Variants in ANK2 observed in about 807,000 individuals in gnomAD.
ANK2 encodes ankyrin 2, also known as ankyrin-2.
In ANK2, 83 loss-of-function variants were observed where a neutral mutation model predicts 360.5. The ratio of observed to expected loss-of-function variants is 0.23; its 90% CI spans 0.19 to 0.28. ANK2 has a LOEUF of 0.28. Ranked by LOEUF, ANK2 falls within the 10% of genes least tolerant of loss-of-function variation. The pLI is 1.00. For missense variants in ANK2, 4,201 were observed against 4,795.7 expected (o/e 0.88, Z 3.66); for synonymous variants, 1,740 against 1,759.5 (o/e 0.99, Z 0.28).
chr4:113,342,296 A>G (rs1452587850), intron 33 of ANK2, among the ~76,000 whole-genome samples: 1 of 152,194 alleles, frequency 6.6e-6, no homozygotes, highest in East Asian at 1.9e-4. Flanking sequence ...TAAATGTTGA[A>G]GCAGGGTGTC....
chr4:112,779,256 C>T, the ANK2 span, among the ~76,000 whole-genome samples: 14 of 152,168 alleles, frequency 9.2e-5, no homozygotes, highest in Admixed American at 2.0e-4. Flanking sequence ...CGGTGGCTCA[C>T]GCCTGTAATC....
chr4:113,117,969 G>A (rs1184416493), intron 1 of ANK2, among the ~76,000 whole-genome samples: 1 of 152,078 alleles, frequency 6.6e-6, no homozygotes, highest in East Asian at 1.9e-4. Context: ...GCAGTGAGCT[G>A]TGTCTCTGCA....
intron 2 of ANK2, among the ~76,000 whole-genome samples, chr4:113,014,848 C>CTTTTTTTT (rs530387481): frequency 2.8e-5 from 2 of 70,288 alleles, no homozygotes; most frequent in African/African-American, 1.2e-4. Context: ...GATCATAGAG[C>CTTTTTTTT]TTTTTTTTTT....
At chr4:113,182,621 A>T (rs1012704773) in intron 2 of ANK2, among the ~76,000 whole-genome samples, 1 of 152,210 alleles carries the variant, frequency 6.6e-6, no homozygotes, top group Non-Finnish European at 1.5e-5. Flanking sequence ...AAGTGAAAAC[A>T]TTATTTTCAG....
the ANK2 span, among the ~76,000 whole-genome samples, chr4:112,729,873 A>T: frequency 2.6e-5 from 4 of 152,182 alleles, no homozygotes; most frequent in Non-Finnish European, 5.9e-5. Flanking sequence ...CTTAGAGGGT[A>T]CTATGTTAAA....
At chr4:112,766,649 TC>T in the ANK2 span, among the ~76,000 whole-genome samples, 1 of 152,168 alleles carries the variant, frequency 6.6e-6, no homozygotes, top group Admixed American at 6.6e-5. Context: ...AAGGCTTATA[TC>T]CCTCTACCCT....
chr4:112,725,303 C>T, the ANK2 span, among the ~76,000 whole-genome samples: 12 of 133,988 alleles, frequency 9.0e-5, no homozygotes, highest in South Asian at 2.3e-4. Context: ...AAAAAAAAAA[C>T]AGGAAACAAA....
At chr4:113,026,741 C>T (rs1226448130) in intron 2 of ANK2, among the ~76,000 whole-genome samples, 14 of 152,012 alleles carry the variant, frequency 9.2e-5, no homozygotes, top group Admixed American at 1.3e-4. Context: ...GAGTGCAGGA[C>T]GATGAGTAAT....
chr4:113,367,544 A>C, intron 41 of ANK2, 22 bp from the exon 42 acceptor site: 1 of 1,612,548 alleles, frequency 6.2e-7, no homozygotes, highest in Non-Finnish European at 8.5e-7. Context: ...TCAACTAAAT[A>C]CTTAAATCAT....
chr4:113,182,159 C>G (rs1562687305), intron 2 of ANK2, among the ~76,000 whole-genome samples: 1 of 151,834 alleles, frequency 6.6e-6, no homozygotes, highest in African/African-American at 2.4e-5. Context: ...AGGATGAAGG[C>G]AAAAGAGGAA....
At chr4:112,915,930 C>T (rs563091759) in intron 2 of ANK2, among the ~76,000 whole-genome samples, 1 of 151,766 alleles carries the variant, frequency 6.6e-6, no homozygotes, top group East Asian at 1.9e-4. Flanking sequence ...TGTCTTTTAT[C>T]ACAGAATTTT....
At position 112,927,491 on chromosome 4, in the gene ANK2, G is replaced by A. The variant is rs189753268; in HGVS notation, c.21+22977G>A. Reference sequence around the variant, plus strand: ...TACATGTCACTGGATCAGGAGACAGGATATTATATTCCCTTTGCTCATTGT... The same window carrying A: ...TACATGTCACTGGATCAGGAGACAGAATATTATATTCCCTTTGCTCATTGT... On this transcript the variant is annotated intron_variant, in intron 2 of 30. Transcript: ENST00000503271. 2.5e-3 allele frequency among the ~76,000 whole-genome samples: 373 copies of A among 152,232 alleles called. 1 individual carries two copies. Among genetic ancestry groups the A allele is most frequent in the African/African-American group, 8.7e-3 (360 of 41,532 alleles).
At position 113,263,353 on chromosome 4, in the gene ANK2, G is replaced by A. The variant is rs140273575; in HGVS notation, c.1387-1544G>A. Among the ~76,000 whole-genome samples the A allele has an allele frequency of 1.2e-3, 186 of 152,144 alleles. 3 individuals carry two copies. In the East Asian group the frequency reaches 0.033, roughly 27 times the overall value. The stretch of plus-strand genomic sequence containing the variant: ...AATATTAGCATTCCAATGATACATC[G>A]TTTTATAAAACAACATACTCCAGAT... On this transcript the variant is annotated intron_variant, in intron 13 of 45. Transcript: ENST00000357077.
intron 2 of ANK2, among the ~76,000 whole-genome samples, chr4:112,906,451 G>C (rs57948165): frequency 0.036 from 5,503 of 152,252 alleles, 151 homozygotes; most frequent in African/African-American, 0.072. Flanking sequence ...GGGAAGTTGG[G>C]ATGAGAGAGT....
At chr4:112,857,874 T>C (rs1453935246) in intron 1 of ANK2, among the ~76,000 whole-genome samples, 1 of 152,130 alleles carries the variant, frequency 6.6e-6, no homozygotes, top group Non-Finnish European at 1.5e-5. Context: ...GGACCTCAGA[T>C]TTTGTATTTC....
intron 1 of ANK2, among the ~76,000 whole-genome samples, chr4:112,871,502 TAA>T (rs1277142035): frequency 6.6e-6 from 1 of 152,178 alleles, no homozygotes; most frequent in African/African-American, 2.4e-5. Flanking sequence ...TTTTATTTTT[TAA>T]AGTTGGATTC....
At chr4:113,005,170 A>G (rs1041058419) in intron 2 of ANK2, among the ~76,000 whole-genome samples, 2 of 152,190 alleles carry the variant, frequency 1.3e-5, no homozygotes, top group Non-Finnish European at 2.9e-5. Flanking sequence ...CCTAATTTAT[A>G]AAAAGCTTGC....
chr4:113,061,585 C>G (rs866534826), intron 1 of ANK2, among the ~76,000 whole-genome samples: 2 of 152,020 alleles, frequency 1.3e-5, no homozygotes, highest in Admixed American at 6.6e-5. Flanking sequence ...CACGTACACA[C>G]GCACTTACAT....
chr4:112,808,495 C>T, the ANK2 span, among the ~76,000 whole-genome samples: 17 of 152,194 alleles, frequency 1.1e-4, no homozygotes, highest in Non-Finnish European at 2.1e-4. Flanking sequence ...AGAAGAAATA[C>T]AAACTTCAGC....
Sources: allele counts gnomAD v4.1 joint callset (sites outside exome capture counted in the v4.1 genomes callset), GRCh38; gene constraint gnomAD v4.1.1; transcripts MANE v1.5; gene names NCBI Gene and HGNC (gene_info 2026-07-23, HGNC 2026-07-21).